CCDC3: variants seen among roughly 807,000 people sequenced by gnomAD.
CCDC3 encodes the protein coiled-coil domain containing 3.
In CCDC3, 24 loss-of-function variants were observed where a neutral mutation model predicts 21.4. That is an observed-to-expected ratio of 1.12 (90% CI 0.81 to 1.58). The LOEUF is 1.58. CCDC3 is among the 40% of genes most tolerant of loss of function. The pLI is 0.00. For missense variants in CCDC3, 425 were observed against 360.9 expected (o/e 1.18, Z -1.44); for synonymous variants, 186 against 166.0 (o/e 1.12, Z -0.93).
chr10:13,016,281 T>C (rs1213641930), intron 5 of CCDC3, among the ~76,000 whole-genome samples: 3 of 149,072 alleles, frequency 2.0e-5, no homozygotes, highest in Non-Finnish European at 4.4e-5. Flanking sequence ...TTATCCCACC[T>C]GAGTTGAGCT....
intron 5 of CCDC3, among the ~76,000 whole-genome samples, chr10:13,017,408 T>C (rs910995732): frequency 6.6e-6 from 1 of 150,784 alleles, no homozygotes; most frequent in Non-Finnish European, 1.5e-5. Flanking sequence ...TCTCAGCTAC[T>C]TGGGAGGCTG....
Position 12,998,459 on chromosome 10 carries a change from A to G in CCDC3, c.428T>C (p.Ile143Thr). ...LPHGVNFQDA[I>T]FPDTQENRRM... ...TCTGTTCTCTTGAGTGTCTGGGAAG[A>G]TGGCATCTTGGAAATTGACTCCGTG... The change falls in exon 2 of 3, where the codon ATC (isoleucine) becomes ACC (threonine). Residue 143 changes from isoleucine to threonine, a missense_variant. Coordinates refer to ENST00000378825, the MANE Select transcript of CCDC3 (RefSeq NM_031455.4). 1 of 1,614,160 alleles carries G rather than the reference A, an allele frequency of 6.2e-7. No homozygotes were observed. Among genetic ancestry groups the G allele is most frequent in the African/African-American group, 1.3e-5 (1 of 75,036 alleles).
chr10:12,903,104 C>G (rs1428600308), intron 2 of CCDC3, among the ~76,000 whole-genome samples: 1 of 152,136 alleles, frequency 6.6e-6, no homozygotes, highest in East Asian at 1.9e-4. Context: ...CCAAGACAAC[C>G]AACATAGCAC....
At chr10:12,929,181 G>C (rs1471279174) in intron 2 of CCDC3, among the ~76,000 whole-genome samples, 1 of 149,024 alleles carries the variant, frequency 6.7e-6, no homozygotes, top group Non-Finnish European at 1.5e-5. Context: ...ATAATTGCTT[G>C]AACCCAGGGG....
At chr10:12,921,820 T>C (rs1014625774) in intron 2 of CCDC3, among the ~76,000 whole-genome samples, 1 of 152,208 alleles carries the variant, frequency 6.6e-6, no homozygotes, top group Non-Finnish European at 1.5e-5. Flanking sequence ...TGGCTCACTG[T>C]AGCCTCGAAA....
At chr10:13,057,856 A>T (rs1212215045) in intron 4 of CCDC3, 1 of 405,920 alleles carries the variant, frequency 2.5e-6, no homozygotes. Context: ...ACTCCAGCCC[A>T]GATGACAGTG....
chr10:13,002,491 G>A (rs1835872035), upstream of CCDC3, among the ~76,000 whole-genome samples: 1 of 152,104 alleles, frequency 6.6e-6, no homozygotes, highest in Non-Finnish European at 1.5e-5. Flanking sequence ...CTGGGCTCAG[G>A]TGATCCTCCC....
chr10:13,027,612 G>A lies in CCDC3; in HGVS notation c.-2+22062C>T, dbSNP rs560664703. On this transcript the variant is annotated intron_variant, in intron 5 of 6. Transcript: ENST00000378839. ...TCTAATCACAGCACTTTTGGAGGCT[G>A]AGGCGGGAGGATTGCTTGAGCTTGG... is the stretch of plus-strand genomic sequence containing the variant. Among the ~76,000 whole-genome samples, 12 of 151,998 alleles carry A rather than the reference G, an allele frequency of 7.9e-5. 1 individual carries two copies. The South Asian group carries it at 2.3e-3, about 29-fold the overall frequency.
intron 4 of CCDC3, among the ~76,000 whole-genome samples, chr10:13,071,026 A>G (rs1836875802): frequency 6.6e-6 from 1 of 152,260 alleles, no homozygotes; most frequent in Non-Finnish European, 1.5e-5. Context: ...AATCTGGATC[A>G]GTATTCTCCT....
At chr10:12,998,638 T>A in intron 1 of CCDC3, 126 bp from the exon 2 acceptor site, 1 of 769,348 alleles carries the variant, frequency 1.3e-6, no homozygotes, top group Non-Finnish European at 2.1e-6. Context: ...TGGCTCTCAT[T>A]AGAGGAGTTA....
At chr10:12,961,951 G>A (rs1270110105) in intron 2 of CCDC3, among the ~76,000 whole-genome samples, 3 of 152,168 alleles carry the variant, frequency 2.0e-5, no homozygotes, top group East Asian at 1.9e-4. Flanking sequence ...AGGATTACTT[G>A]GACCCGTATA....
chr10:13,042,680 G>A (rs990787848), intron 5 of CCDC3, among the ~76,000 whole-genome samples: 8 of 151,910 alleles, frequency 5.3e-5, no homozygotes, highest in Non-Finnish European at 1.2e-4. Flanking sequence ...AGGCTGAGGT[G>A]GGCGGATCAC....
intron 4 of CCDC3, among the ~76,000 whole-genome samples, chr10:13,060,118 A>G (rs2131431757): frequency 6.6e-6 from 1 of 151,988 alleles, no homozygotes; most frequent in Non-Finnish European, 1.5e-5. Flanking sequence ...TTTCTACATA[A>G]TGGCTCCAAA....
At chr10:13,034,111 G>A (rs1052306818) in intron 5 of CCDC3, among the ~76,000 whole-genome samples, 1 of 152,140 alleles carries the variant, frequency 6.6e-6, no homozygotes, top group African/African-American at 2.4e-5. Flanking sequence ...ATCAATGATA[G>A]ATTAGATTAA....
intron 2 of CCDC3, among the ~76,000 whole-genome samples, chr10:12,941,770 C>A (rs1834835004): frequency 6.6e-6 from 1 of 152,124 alleles, no homozygotes; most frequent in Non-Finnish European, 1.5e-5. Context: ...CCAAAATATG[C>A]CGCTTTGGCA....
intron 2 of CCDC3, among the ~76,000 whole-genome samples, chr10:12,992,236 A>C (rs1478210600): frequency 6.6e-6 from 1 of 152,088 alleles, no homozygotes; most frequent in Non-Finnish European, 1.5e-5. Flanking sequence ...TTAAAAATAC[A>C]AAAATCAGCT....
At chr10:13,081,053 A>T (rs1036405253) in intron 3 of CCDC3, among the ~76,000 whole-genome samples, 1 of 152,222 alleles carries the variant, frequency 6.6e-6, no homozygotes, top group African/African-American at 2.4e-5. Context: ...GCCCCAAGAT[A>T]TGCAAAGTCC....
chr10:12,907,425 A>T (rs1241211460), intron 2 of CCDC3, among the ~76,000 whole-genome samples: 1 of 152,122 alleles, frequency 6.6e-6, no homozygotes, highest in Non-Finnish European at 1.5e-5. Context: ...TGGGAGGATC[A>T]CTTGAGGTCA....
At chr10:13,016,718 T>C (rs972105078) in intron 5 of CCDC3, among the ~76,000 whole-genome samples, 2 of 152,046 alleles carry the variant, frequency 1.3e-5, no homozygotes, top group Non-Finnish European at 2.9e-5. Flanking sequence ...TCCTAAGAGA[T>C]AACTTTTATG....
Sources: gnomAD v4.1 joint callset for allele counts (sites outside exome capture counted in the v4.1 genomes callset) on GRCh38, gnomAD v4.1.1 for gene constraint, MANE v1.5 for transcripts, NCBI Gene and HGNC (gene_info 2026-07-23, HGNC 2026-07-21) for gene names.